Variants in PTPRT observed in about 807,000 individuals in gnomAD.
PTPRT encodes protein tyrosine phosphatase receptor type T, also known as receptor-type tyrosine-protein phosphatase T.
Under a neutral mutation model 176.8 loss-of-function variants are expected in PTPRT, and 56 were observed. The observed-to-expected ratio is 0.32, with a 90% confidence interval of 0.26 to 0.40. The LOEUF is 0.40. Ranked by LOEUF, PTPRT falls within the 10% of genes least tolerant of loss-of-function variation. The probability of loss-of-function intolerance (pLI) is 1.00; values close to 1 mark genes in which losing one functional copy is unlikely to be tolerated. For missense variants in PTPRT, 1,540 were observed against 1,908.2 expected, an observed-to-expected ratio of 0.81 and a Z score of 3.60; for synonymous variants, 783 against 739.0, an observed-to-expected ratio of 1.06 and a Z score of -0.96.
the PTPRT span, among the ~76,000 whole-genome samples, chr20:42,055,692 C>A: frequency 6.6e-6 from 1 of 151,806 alleles, no homozygotes; most frequent in Non-Finnish European, 1.5e-5. Context: ...AAAGGGAGGA[C>A]CATGGGGGGA....
intron 13 of PTPRT, among the ~76,000 whole-genome samples, chr20:42,276,213 C>A (rs984506734): frequency 1.3e-5 from 2 of 151,828 alleles, no homozygotes; most frequent in Admixed American, 1.3e-4. Context: ...TAAAAGAATA[C>A]TATTGCTCTG....
chr20:42,739,615 G>A (rs1341345104), intron 6 of PTPRT, among the ~76,000 whole-genome samples: 3 of 152,218 alleles, frequency 2.0e-5, no homozygotes, highest in Non-Finnish European at 2.9e-5. Flanking sequence ...GAGAAGCTGA[G>A]AGGGACTGAG....
intron 15 of PTPRT, among the ~76,000 whole-genome samples, chr20:42,213,072 G>A (rs1412932554): frequency 6.6e-6 from 1 of 152,156 alleles, no homozygotes; most frequent in Non-Finnish European, 1.5e-5. Flanking sequence ...ATGCGGAACA[G>A]CTGTTCTCCA....
intron 1 of PTPRT, among the ~76,000 whole-genome samples, chr20:43,080,209 G>A (rs190344891): frequency 3.2e-4 from 48 of 152,282 alleles, no homozygotes; most frequent in Admixed American, 1.5e-3. Context: ...GACACTTGGA[G>A]CCATTACATG....
chr20:42,445,166 CA>C (rs2059351748), intron 9 of PTPRT, among the ~76,000 whole-genome samples: 1 of 152,190 alleles, frequency 6.6e-6, no homozygotes, highest in African/African-American at 2.4e-5. Context: ...TCTGTACCTG[CA>C]TTTAGGAGTC....
intron 7 of PTPRT, among the ~76,000 whole-genome samples, chr20:42,502,280 C>G (rs2071763361): frequency 6.6e-6 from 1 of 151,838 alleles, no homozygotes; most frequent in African/African-American, 2.4e-5. Flanking sequence ...TATGAAACAT[C>G]TTCCTTAAGA....
intron 9 of PTPRT, among the ~76,000 whole-genome samples, chr20:42,384,668 T>C (rs1374143576): frequency 6.6e-6 from 1 of 152,212 alleles, no homozygotes; most frequent in Non-Finnish European, 1.5e-5. Flanking sequence ...TTTTTAATCT[T>C]TTGAGAGAAC....
intron 1 of PTPRT, among the ~76,000 whole-genome samples, chr20:43,060,728 G>C (rs1425662187): frequency 6.6e-6 from 1 of 152,192 alleles, no homozygotes; most frequent in African/African-American, 2.4e-5. Context: ...CTTCCAGAGA[G>C]CTCTTCATCC....
intron 11 of PTPRT, among the ~76,000 whole-genome samples, chr20:42,344,556 G>C (rs1160017685): frequency 2.0e-5 from 3 of 152,198 alleles, no homozygotes; most frequent in East Asian, 1.9e-4. Context: ...CCATGACAGA[G>C]TGGCAACTCA....
intron 27 of PTPRT, 53 bp from the exon 28 acceptor site, chr20:42,085,906 C>T: frequency 6.6e-7 from 1 of 1,504,500 alleles, no homozygotes; most frequent in Non-Finnish European, 9.1e-7. Flanking sequence ...GGGCGGGTAT[C>T]AAAGTCTCAT....
chr20:43,127,149 C>G (rs6072988), intron 1 of PTPRT, among the ~76,000 whole-genome samples: 2 of 151,806 alleles, frequency 1.3e-5, no homozygotes, highest in African/African-American at 4.8e-5. Flanking sequence ...GGCGGCCGGG[C>G]GCGGTGGCTC....
intron 7 of PTPRT, among the ~76,000 whole-genome samples, chr20:42,664,302 CAT>C (rs933434471): frequency 2.4e-4 from 37 of 152,250 alleles, no homozygotes; most frequent in African/African-American, 5.5e-4. Flanking sequence ...AGTTTTGTCA[CAT>C]GTTTTCCCAC....
intron 4 of PTPRT, among the ~76,000 whole-genome samples, chr20:42,775,913 A>G (rs958291541): frequency 1.3e-5 from 2 of 152,238 alleles, no homozygotes; most frequent in African/African-American, 2.4e-5. Context: ...TTAACCATCT[A>G]TGAGTGAAGT....
intron 1 of PTPRT, among the ~76,000 whole-genome samples, chr20:42,923,805 C>T (rs886444472): frequency 6.6e-6 from 1 of 152,144 alleles, no homozygotes; most frequent in Non-Finnish European, 1.5e-5. Context: ...GTCATCAATA[C>T]CCTATCCACT....
In PTPRT at chr20:43,079,679, T is replaced by C. The variant is rs115971129; in HGVS notation, c.88+109967A>G. 3.1e-3 allele frequency among the ~76,000 whole-genome samples: 473 copies of C among 152,312 alleles called. 3 individuals carry two copies. Among genetic ancestry groups the C allele is most frequent in the African/African-American group, 0.011 (440 of 41,576 alleles). Reference sequence around the variant, plus strand: ...CTATTATATATTCTTAATTTATTATTGTGGTACAAAAGAAAGTTATTAATT... The same window carrying C: ...CTATTATATATTCTTAATTTATTATCGTGGTACAAAAGAAAGTTATTAATT... On this transcript the variant is annotated intron_variant, in intron 1 of 30. Coordinates refer to ENST00000373187, the MANE Select transcript of PTPRT (RefSeq NM_007050.6).
At chr20:42,804,964 G>C (rs965246179) in intron 2 of PTPRT, among the ~76,000 whole-genome samples, 1 of 152,036 alleles carries the variant, frequency 6.6e-6, no homozygotes, top group Non-Finnish European at 1.5e-5. Context: ...TGAGATACTG[G>C]GAGTGAAGAC....
rs1339204704 is a variant in PTPRT, at chr20:42,791,438, C to T, written c.243G>A (p.Gly81=). Reference sequence around the variant, plus strand: ...GGTGGGCCTTCTGGCCAGAGGCTCTCCCAGAGCTGTTCACCATCATGAAAG... The same window carrying T: ...GGTGGGCCTTCTGGCCAGAGGCTCTTCCAGAGCTGTTCACCATCATGAAAG... ...TGSFMMVNSS[G]RASGQKAHLL... is the part of the protein sequence containing the mutation. Residue 81 remains glycine (G), a synonymous_variant, in exon 3 of 31, where the codon GGG becomes GGA. Coordinates refer to ENST00000373187, the MANE Select transcript of PTPRT (RefSeq NM_007050.6). The T allele has an allele frequency of 1.9e-6, 3 of 1,612,704 alleles. No homozygotes were observed. In the African/African-American group the frequency reaches 4.0e-5, roughly 22 times the overall value.
chr20:43,083,349 T>TATATATATATATACATATATAC (rs1568774177), intron 1 of PTPRT, among the ~76,000 whole-genome samples: 1 of 117,402 alleles, frequency 8.5e-6, no homozygotes, highest in Admixed American at 9.0e-5. Context: ...TATATATATA[T>TATATATATATATACATATATAC]ATATATATAT....
At chr20:42,059,454 A>G in the PTPRT span, among the ~76,000 whole-genome samples, 1 of 152,212 alleles carries the variant, frequency 6.6e-6, no homozygotes, top group African/African-American at 2.4e-5. Context: ...GCGGCTCAAC[A>G]ATGAAGAGAA....
Sources: gnomAD v4.1 joint callset for allele counts (sites outside exome capture counted in the v4.1 genomes callset) on GRCh38, gnomAD v4.1.1 for gene constraint, MANE v1.5 for transcripts, NCBI Gene and HGNC (gene_info 2026-07-23, HGNC 2026-07-21) for gene names.